Variants in CALML4 observed in about 807,000 individuals in gnomAD.
The protein encoded by CALML4 is calmodulin like 4, also known as calmodulin-like protein 4.
Under a neutral mutation model 17.9 loss-of-function variants are expected in CALML4, and 16 were observed. That is an observed-to-expected ratio of 0.89 (90% CI 0.61 to 1.36). The LOEUF (loss-of-function observed/expected upper bound fraction) is 1.36. CALML4 is among the 40% of genes most tolerant of loss of function. The probability of loss-of-function intolerance (pLI) is 0.00; values close to 1 mark genes in which losing one functional copy is unlikely to be tolerated. For synonymous variants in CALML4, 86 were observed against 71.5 expected, an observed-to-expected ratio of 1.20 and a Z score of -1.02; for missense variants, 203 against 194.8, an observed-to-expected ratio of 1.04 and a Z score of -0.25.
At chr15:68,206,047 C>G (rs773568261), upstream of CALML4, 1 of 152,424 alleles carries the variant, frequency 6.6e-6, no homozygotes, top group Non-Finnish European at 1.5e-5. Flanking sequence ...CTCTTAGTGC[C>G]GGTTACCCTG....
At chr15:68,203,229 C>T (rs1453942245) in intron 2 of CALML4, among the ~76,000 whole-genome samples, 4 of 152,176 alleles carry the variant, frequency 2.6e-5, no homozygotes, top group Non-Finnish European at 5.9e-5. Context: ...GGATTACAGA[C>T]GTGAGCCACT....
chr15:68,200,689 G>T lies in CALML4; in HGVS notation c.35-1008C>A, dbSNP rs535392906. ...GTGGAAACACAGTGGCCTGGCGCTG[G>T]CCCTCCCAGGCTGGGGCTCAGGGCT... On this transcript the variant is annotated intron_variant, in intron 2 of 4. Transcript: ENST00000467889. This position sits in a 1 kb window ranked among gnomAD's most constrained non-coding sequence, Gnocchi z 4.3. 5.3e-5 allele frequency among the ~76,000 whole-genome samples: 8 copies of T among 152,106 alleles called. No homozygotes were observed. The highest frequency in any genetic ancestry group is 3.3e-4 in the Admixed American group (5 of 15,272).
Position 68,205,254 on chromosome 15 carries a change from G to A in CALML4, c.-7C>T. 1 of 1,614,120 alleles carries A rather than the reference G, an allele frequency of 6.2e-7. No individual in the cohort carries two copies. Among genetic ancestry groups the A allele is most frequent in the South Asian group, 1.1e-5 (1 of 91,080 alleles). On this transcript the variant is annotated 5_prime_UTR_variant, in exon 1 of 5. Coordinates refer to ENST00000467889, the MANE Select transcript of CALML4 (RefSeq NM_033429.3). This position sits in a 1 kb window ranked among gnomAD's most constrained non-coding sequence, Gnocchi z 4.8. ...AGACCCTCACACTCACCATTCTGGG[G>A]CCTCGGCTGCTACCCGTGGGCTTGC... is the stretch of plus-strand genomic sequence containing the variant.
intron 2 of CALML4, among the ~76,000 whole-genome samples, chr15:68,201,924 G>A (rs1003170387): frequency 2.0e-5 from 3 of 152,010 alleles, no homozygotes; most frequent in East Asian, 1.9e-4. Flanking sequence ...CTGACAGGTC[G>A]GCCCTCTAAC....
chr15:68,199,523 G>T lies in CALML4; in HGVS notation c.175+18C>A. The T allele has an allele frequency of 6.2e-7, 1 of 1,600,432 alleles. No individual in the cohort carries two copies. Among genetic ancestry groups the T allele is most frequent in the Non-Finnish European group, 8.5e-7 (1 of 1,172,504 alleles). ...GCTGGGCCCCTCCCCTCTCCCCGTT[G>T]TTCCCACCACCACTCACCTATCCCG... On this transcript the variant is annotated intron_variant, in intron 3 of 4. Coordinates refer to ENST00000467889, the MANE Select transcript of CALML4 (RefSeq NM_033429.3).
In CALML4 at chr15:68,205,100, C is replaced by G. The variant is rs763296535; in HGVS notation, c.34+21G>C. On this transcript the variant is annotated intron_variant, in intron 2 of 4. Transcript: ENST00000467889. The surrounding 1 kb of genome is among the most constrained non-coding windows in gnomAD (Gnocchi z 4.8). ...ACCCATATTTTGCTGAGTTGCTAAT[C>G]AAAGAACAAACCCAACCTACCATTA... 1.2e-6 allele frequency: 2 copies of G among 1,613,818 alleles called. No homozygotes were observed. The highest frequency in any genetic ancestry group is 2.7e-5 in the African/African-American group (2 of 74,870).
In CALML4 at chr15:68,193,945, G is replaced by T; in HGVS notation, c.*70C>A. 4.4e-6 allele frequency: 5 copies of T among 1,132,898 alleles called. No individual in the cohort carries two copies. The highest frequency in any genetic ancestry group is 1.3e-5 in the South Asian group (1 of 77,102). The allele number at this position is 1,132,898 out of a possible 1,614,324, so 70.2% of individuals were successfully genotyped here. A position where few individuals can be genotyped will look rare whatever the true frequency, so the allele number is the denominator to read the frequency against. On this transcript the variant is annotated 3_prime_UTR_variant, in exon 5 of 5. Transcript: ENST00000467889. ...GTTTGCCATCTCTCCCAAGTGAAAA[G>T]AACACTTTTTAAAAAAAATTAATTG...
rs2093125954 is a variant in CALML4 at position 68,192,672 on chromosome 15, G to GT, written c.*1342dup. 6.6e-6 allele frequency: 1 copy of GT among 152,206 alleles called. No individual in the cohort carries two copies. The highest frequency in any genetic ancestry group is 6.5e-5 in the Admixed American group (1 of 15,282). The allele number at this position is 152,206 out of a possible 1,614,324, so 9.4% of individuals were successfully genotyped here. A position where few individuals can be genotyped will look rare whatever the true frequency, so the allele number is the denominator to read the frequency against. Reference sequence around the variant, plus strand: ...AACACTACAACTCTTGTTCCCTGCAGTTTTCCCTGTGCCCGGTGCCTAGTG... The same window carrying GT: ...AACACTACAACTCTTGTTCCCTGCAGTTTTTCCCTGTGCCCGGTGCCTAGTG... On this transcript the variant is annotated 3_prime_UTR_variant, in exon 5 of 5. Coordinates refer to ENST00000467889, the MANE Select transcript of CALML4 (RefSeq NM_033429.3).
At chr15:68,195,723 T>C (rs1305493881) in intron 4 of CALML4, among the ~76,000 whole-genome samples, 2 of 152,226 alleles carry the variant, frequency 1.3e-5, no homozygotes. Flanking sequence ...GCTGCTGGTA[T>C]CATTCTTCCC....
Position 68,197,719 on chromosome 15 carries a change from C to CAAGGTCAACTGACCAGGG in CALML4, c.176-109_176-92dup. 8.5e-7 allele frequency: 1 copy of CAAGGTCAACTGACCAGGG among 1,174,558 alleles called. No individual in the cohort carries two copies. Among genetic ancestry groups the CAAGGTCAACTGACCAGGG allele is most frequent in the Non-Finnish European group, 1.2e-6 (1 of 820,326 alleles). 72.8% of individuals were successfully genotyped at this position (1,174,558 alleles called of 1,614,324 possible). The stretch of plus-strand genomic sequence containing the variant: ...TCCTGCTGGACCTGCACAGCCGGTT[C>CAAGGTCAACTGACCAGGG]AAGGTCAACTGACCAGGGAATGCCA... On this transcript the variant is annotated intron_variant, in intron 3 of 4. Coordinates refer to ENST00000467889, the MANE Select transcript of CALML4 (RefSeq NM_033429.3). This position sits in a 1 kb window ranked among gnomAD's most constrained non-coding sequence, Gnocchi z 4.1.
Position 68,191,189 on chromosome 15 carries a change from A to C in CALML4, c.*2826T>G, listed in dbSNP as rs1323335348. On this transcript the variant is annotated 3_prime_UTR_variant, in exon 5 of 5. Transcript: ENST00000467889. Reference sequence around the variant, plus strand: ...GTGTGCTGCTGTTAATTGTTTAACAAAGGGGAAAATGTACATAAACAGATA... The same window carrying C: ...GTGTGCTGCTGTTAATTGTTTAACACAGGGGAAAATGTACATAAACAGATA... 1 of 152,652 alleles carries C rather than the reference A, an allele frequency of 6.6e-6. No homozygotes were observed. The highest frequency in any genetic ancestry group is 1.5e-5 in the Non-Finnish European group (1 of 68,038). The allele number at this position is 152,652 out of a possible 1,614,324, so 9.5% of individuals were successfully genotyped here.
In CALML4 at chr15:68,192,610, G is replaced by A. The variant is rs1376159037; in HGVS notation, c.*1405C>T. ...TCTCCTTCCTCAGGGCCTTGTTTGG[G>A]TCTGAAGCCACACAGCATCGTTGAG... On this transcript the variant is annotated 3_prime_UTR_variant, in exon 5 of 5. Transcript: ENST00000467889. 1 of 152,204 alleles carries A rather than the reference G, an allele frequency of 6.6e-6. No homozygotes were observed. Among genetic ancestry groups the A allele is most frequent in the Non-Finnish European group, 1.5e-5 (1 of 68,062 alleles). The allele number at this position is 152,204 out of a possible 1,614,324, so 9.4% of individuals were successfully genotyped here. A position where few individuals can be genotyped will look rare whatever the true frequency, so the allele number is the denominator to read the frequency against.
chr15:68,193,642 T>G lies in CALML4; in HGVS notation c.*373A>C. On this transcript the variant is annotated 3_prime_UTR_variant, in exon 5 of 5. Transcript: ENST00000467889. ...CTCAATCCTTCCTCAACAGGCTCCA[T>G]GAGGTAAGAAGTGGGAATCCAGCTT... 5.1e-6 allele frequency: 1 copy of G among 197,646 alleles called. No homozygotes were observed. The highest frequency in any genetic ancestry group is 1.3e-4 in the East Asian group (1 of 7,760). The allele number at this position is 197,646 out of a possible 1,614,324, so 12.2% of individuals were successfully genotyped here. A position where few individuals can be genotyped will look rare whatever the true frequency, so the allele number is the denominator to read the frequency against.
At chr15:68,205,633 T>G (rs1567092975), upstream of CALML4, 1 of 503,036 alleles carries the variant, frequency 2.0e-6, no homozygotes, top group Non-Finnish European at 3.6e-6. The surrounding 1 kb of genome is among the most constrained non-coding windows in gnomAD (Gnocchi z 4.8). Flanking sequence ...CTACTAGAGT[T>G]GGACACTTTA....
intron 2 of CALML4, among the ~76,000 whole-genome samples, chr15:68,201,754 G>A (rs557091583): frequency 6.6e-5 from 10 of 152,320 alleles, no homozygotes; most frequent in East Asian, 1.9e-4. Flanking sequence ...TGCCTCAGAC[G>A]CCTTTAAAGA....
rs562938526 is a variant in CALML4, at chr15:68,197,590, T to C, written c.214A>G (p.Ile72Val). ...GELDFSTFLT[I>V]MHMQIKQEDP... is the part of the protein sequence containing the mutation. ...TCTTGTTTTATTTGCATGTGCATAA[T>C]GGTCAGAAAAGTGGAGAAATCCAGC... Residue 72 changes from isoleucine (I) to valine (V), a missense_variant, in exon 4 of 5, where the codon ATT becomes GTT. Physicochemically the swap from Ile to Val is conservative, Grantham distance 29. Transcript: ENST00000467889. This position sits in a 1 kb window ranked among gnomAD's most constrained non-coding sequence, Gnocchi z 4.1. The C allele has an allele frequency of 6.2e-6, 10 of 1,614,172 alleles. No individual in the cohort carries two copies. The East Asian group carries it at 8.9e-5, about 14-fold the overall frequency.
In CALML4 at chr15:68,204,663, G is replaced by A. The variant is rs992650493; in HGVS notation, c.34+458C>T. Among the ~76,000 whole-genome samples the A allele has an allele frequency of 1.3e-5, 2 of 152,186 alleles. No individual in the cohort carries two copies. The highest frequency in any genetic ancestry group is 6.5e-5 in the Admixed American group (1 of 15,286). ...CAGGCTTGATGCCAGGGCAAAGGGG[G>A]CTCAGTGGACCCTCCATTTTACAGA... On this transcript the variant is annotated intron_variant, in intron 2 of 4. Transcript: ENST00000467889. This position sits in a 1 kb window ranked among gnomAD's most constrained non-coding sequence, Gnocchi z 6.0.
chr15:68,200,594 T>C lies in CALML4; in HGVS notation c.35-913A>G, dbSNP rs1217892688. On this transcript the variant is annotated intron_variant, in intron 2 of 4. Transcript: ENST00000467889. The surrounding 1 kb of genome is among the most constrained non-coding windows in gnomAD (Gnocchi z 4.3). The stretch of plus-strand genomic sequence containing the variant: ...ACTGAGCATCTGATTTAGGGGTAGG[T>C]GGGGCTGCCATCAGGACAGGGAGAT... 6.6e-6 allele frequency among the ~76,000 whole-genome samples: 1 copy of C among 152,030 alleles called. No individual in the cohort carries two copies. Among genetic ancestry groups the C allele is most frequent in the Non-Finnish European group, 1.5e-5 (1 of 67,992 alleles).
rs1427126981 is a variant in CALML4, at chr15:68,191,812, AG to A, written c.*2202del. ...AAACCAGGACCAGGAGTAAGGTAAC[AG>A]CCCTTCCTCGGGTAGAGGTTTGAAT... On this transcript the variant is annotated 3_prime_UTR_variant, in exon 5 of 5. Coordinates refer to ENST00000467889, the MANE Select transcript of CALML4 (RefSeq NM_033429.3). 1 of 152,206 alleles carries A rather than the reference AG, an allele frequency of 6.6e-6. No homozygotes were observed. Among genetic ancestry groups the A allele is most frequent in the Non-Finnish European group, 1.5e-5 (1 of 68,046 alleles). 9.4% of individuals were successfully genotyped at this position (152,206 alleles called of 1,614,324 possible).
Sources: gnomAD v4.1 joint callset for allele counts (sites outside exome capture counted in the v4.1 genomes callset) on GRCh38, gnomAD v4.1.1 for gene constraint, Gnocchi (gnomAD v3.1) non-coding constraint, MANE v1.5 for transcripts, NCBI Gene and HGNC (gene_info 2026-07-23, HGNC 2026-07-21) for gene names.